The following RFX4 variants were observed in gnomAD, a reference collection of about 807,000 sequenced individuals.
RFX4 encodes transcription factor RFX4.
RFX4 carries 10 observed loss-of-function variants against 95.0 expected under a neutral mutation model. The ratio of observed to expected loss-of-function variants is 0.11; its 90% CI spans 0.06 to 0.18. The LOEUF (loss-of-function observed/expected upper bound fraction) is 0.18. RFX4 is among the 10% of genes least tolerant of loss of function. The probability of loss-of-function intolerance (pLI) is 1.00; values close to 1 mark genes in which losing one functional copy is unlikely to be tolerated. For synonymous variants in RFX4, 321 were observed against 340.7 expected (o/e 0.94, Z 0.64); for missense variants, 640 against 922.0 (o/e 0.69, Z 3.96).
intron 4 of RFX4, among the ~76,000 whole-genome samples, chr12:106,672,526 C>T (rs2137371557): frequency 6.6e-6 from 1 of 152,318 alleles, no homozygotes; most frequent in African/African-American, 2.4e-5. Flanking sequence ...GGCTGCCTGC[C>T]TGTCTGCTCA....
intron 1 of RFX4, among the ~76,000 whole-genome samples, chr12:106,602,519 C>A (rs1259956221): frequency 6.6e-6 from 1 of 152,184 alleles, no homozygotes; most frequent in East Asian, 1.9e-4. Flanking sequence ...GCTCCAAACC[C>A]CACATTCTCC....
At chr12:106,636,326 GT>G (rs1456703293) in intron 2 of RFX4, among the ~76,000 whole-genome samples, 1 of 150,454 alleles carries the variant, frequency 6.6e-6, no homozygotes, top group Non-Finnish European at 1.5e-5. Flanking sequence ...GGAGGTGGAT[GT>G]TGCAGTGAGC....
intron 8 of RFX4, 127 bp downstream of exon 8, chr12:106,696,573 T>A: frequency 4.3e-4 from 319 of 749,278 alleles, no homozygotes; most frequent in Non-Finnish European, 5.9e-4. Context: ...AATATTGAAC[T>A]TTTAAATATT....
intron 3 of RFX4, among the ~76,000 whole-genome samples, chr12:106,646,551 G>A (rs2040751364): frequency 6.6e-6 from 1 of 151,762 alleles, no homozygotes; most frequent in Admixed American, 6.6e-5. Flanking sequence ...GTAGGTTGTA[G>A]GTCAAACCCA....
In RFX4 at chr12:106,720,074, G is replaced by A; in HGVS notation, c.1233+20G>A. 6.2e-7 allele frequency: 1 copy of A among 1,609,350 alleles called. No individual in the cohort carries two copies. The highest frequency in any genetic ancestry group is 8.5e-7 in the Non-Finnish European group (1 of 1,175,910). ...GTGAAGGTTGGTAAACCGGCACCTA[G>A]CGGGCAGCCTTGGGCCCTGCAGCCC... On this transcript the variant is annotated intron_variant, in intron 12 of 17. Coordinates refer to ENST00000392842, the MANE Select transcript of RFX4 (RefSeq NM_213594.3). This position sits in a 1 kb window ranked among gnomAD's most constrained non-coding sequence, Gnocchi z 4.2.
At chr12:106,645,310 C>T (rs1466920549) in intron 3 of RFX4, among the ~76,000 whole-genome samples, 1 of 152,056 alleles carries the variant, frequency 6.6e-6, no homozygotes, top group Non-Finnish European at 1.5e-5. Context: ...GCAGCCTGTT[C>T]CGCAGTCCCG....
chr12:106,652,591 T>A (rs1254889196), intron 3 of RFX4, among the ~76,000 whole-genome samples: 1 of 152,172 alleles, frequency 6.6e-6, no homozygotes, highest in Non-Finnish European at 1.5e-5. Flanking sequence ...CCCAAGTTAC[T>A]CAATGTTCCC....
intron 2 of RFX4, among the ~76,000 whole-genome samples, chr12:106,618,722 C>G (rs1592856709): frequency 6.6e-6 from 1 of 151,922 alleles, no homozygotes; most frequent in African/African-American, 2.4e-5. Context: ...TGAATTTAGA[C>G]CATTTAAATT....
intron 4 of RFX4, among the ~76,000 whole-genome samples, chr12:106,670,262 T>C (rs952345400): frequency 7.2e-5 from 11 of 152,134 alleles, no homozygotes; most frequent in African/African-American, 2.7e-4. Context: ...ATCACCACCC[T>C]CGCCCTCTCT....
chr12:106,742,584 T>C (rs2042825901), intron 15 of RFX4, among the ~76,000 whole-genome samples: 1 of 152,194 alleles, frequency 6.6e-6, no homozygotes, highest in Non-Finnish European at 1.5e-5. Context: ...ACCAACCACA[T>C]TGTCATCATT....
intron 1 of RFX4, among the ~76,000 whole-genome samples, chr12:106,589,988 C>G (rs1049783295): frequency 2.6e-5 from 4 of 152,254 alleles, no homozygotes; most frequent in African/African-American, 4.8e-5. Flanking sequence ...CTGCTACATA[C>G]TGGGCTTAAC....
intron 1 of RFX4, among the ~76,000 whole-genome samples, chr12:106,600,279 A>G (rs1233565123): frequency 6.6e-6 from 1 of 152,126 alleles, no homozygotes; most frequent in Non-Finnish European, 1.5e-5. Flanking sequence ...TGCCAGGAAC[A>G]CGCTTCCTCC....
chr12:106,632,489 A>G (rs779487552), intron 2 of RFX4, among the ~76,000 whole-genome samples: 1 of 152,142 alleles, frequency 6.6e-6, no homozygotes, highest in African/African-American at 2.4e-5. Context: ...TCTATCAACT[A>G]TGGCTATTTA....
chr12:106,742,697 A>G (rs1249551239), intron 15 of RFX4, among the ~76,000 whole-genome samples: 1 of 152,184 alleles, frequency 6.6e-6, no homozygotes, highest in Non-Finnish European at 1.5e-5. Flanking sequence ...TGTAAGAAAC[A>G]TTGCTATGGA....
chr12:106,656,036 A>G (rs1291374200), intron 4 of RFX4, among the ~76,000 whole-genome samples: 1 of 152,140 alleles, frequency 6.6e-6, no homozygotes, highest in African/African-American at 2.4e-5. Flanking sequence ...CTACTTTTGT[A>G]ACCCTATTAG....
At chr12:106,737,312 A>G (rs1466047583) in intron 15 of RFX4, among the ~76,000 whole-genome samples, 3 of 151,320 alleles carry the variant, frequency 2.0e-5, no homozygotes, top group African/African-American at 7.3e-5. Flanking sequence ...TCTATGTGCT[A>G]AACACTTTCG....
chr12:106,625,040 T>C (rs1234956457), intron 2 of RFX4, among the ~76,000 whole-genome samples: 1 of 152,178 alleles, frequency 6.6e-6, no homozygotes, highest in Admixed American at 6.5e-5. Flanking sequence ...TTGCTCGGAA[T>C]GGGAGACTAT....
intron 10 of RFX4, among the ~76,000 whole-genome samples, chr12:106,713,087 G>A (rs941305521): frequency 7.2e-5 from 11 of 152,250 alleles, no homozygotes; most frequent in African/African-American, 1.7e-4. Flanking sequence ...CATCTCTACC[G>A]GAAAGCTTTC....
chr12:106,641,774 A>G (rs1231287543), intron 3 of RFX4, among the ~76,000 whole-genome samples: 2 of 152,136 alleles, frequency 1.3e-5, no homozygotes, highest in Non-Finnish European at 2.9e-5. Context: ...TTATCTTTAT[A>G]TTATATGTTT....
Sources: allele counts gnomAD v4.1 joint callset (sites outside exome capture counted in the v4.1 genomes callset), GRCh38; gene constraint gnomAD v4.1.1; non-coding constraint Gnocchi (gnomAD v3.1); transcripts MANE v1.5; gene names NCBI Gene and HGNC (gene_info 2026-07-23, HGNC 2026-07-21).